The following RXFP2 variants were observed in gnomAD, a reference collection of about 807,000 sequenced individuals.
RXFP2 encodes the protein relaxin receptor 2.
Under a neutral mutation model 88.6 loss-of-function variants are expected in RXFP2, and 68 were observed. The ratio of observed to expected loss-of-function variants is 0.77; its 90% CI spans 0.63 to 0.94. The LOEUF (loss-of-function observed/expected upper bound fraction) is 0.94. RXFP2 is among the 40% of genes least tolerant of loss of function. The pLI, the probability that RXFP2 is intolerant of heterozygous loss-of-function variation, is 0.00. For synonymous variants in RXFP2, 329 were observed against 306.8 expected, an observed-to-expected ratio of 1.07 and a Z score of -0.76; for missense variants, 791 against 893.9, an observed-to-expected ratio of 0.88 and a Z score of 1.47.
intron 1 of RXFP2, among the ~76,000 whole-genome samples, chr13:31,749,845 G>C (rs539697989): frequency 6.6e-6 from 1 of 152,070 alleles, no homozygotes; most frequent in East Asian, 1.9e-4. Flanking sequence ...CAATATGTAT[G>C]CCATTAATTT....
intron 5 of RXFP2, among the ~76,000 whole-genome samples, chr13:31,773,686 G>A (rs1872815971): frequency 6.6e-6 from 1 of 152,126 alleles, no homozygotes; most frequent in African/African-American, 2.4e-5. Context: ...CAAAGGCTGG[G>A]GAGCTCTGCT....
intron 5 of RXFP2, among the ~76,000 whole-genome samples, chr13:31,772,919 C>A (rs1054154465): frequency 1.3e-5 from 2 of 152,216 alleles, no homozygotes; most frequent in Non-Finnish European, 2.9e-5. Context: ...GTAAAATATA[C>A]ATTCCATTTT....
intron 5 of RXFP2, among the ~76,000 whole-genome samples, chr13:31,771,892 G>T (rs1004551124): frequency 4.0e-5 from 6 of 151,884 alleles, no homozygotes; most frequent in African/African-American, 1.5e-4. Context: ...TGTCAAGAGG[G>T]TCTCCAGTCT....
chr13:31,795,016 T>A (rs1347185775), intron 16 of RXFP2, among the ~76,000 whole-genome samples: 1 of 152,204 alleles, frequency 6.6e-6, no homozygotes, highest in Non-Finnish European at 1.5e-5. Flanking sequence ...ACATAATTTT[T>A]AATTAATTTT....
In RXFP2 at chr13:31,802,318, T is replaced by G; in HGVS notation, c.2178T>G (p.Ile726Met). ...AAAAAAAAAGTTTATCTACATCCAT[T>G]GTGTGGATAGAGGACTCCTCTTCCC... ...KIKKKSLSTS[I>M]VWIEDSSSLK... Residue 726 changes from isoleucine (I) to methionine (M), a missense_variant, in exon 18 of 18, where the codon ATT (isoleucine) becomes ATG (methionine). By Grantham distance (10) the Ile-to-Met change is conservative. Coordinates refer to ENST00000298386, the MANE Select transcript of RXFP2 (RefSeq NM_130806.5). 1 of 1,610,726 alleles carries G rather than the reference T, an allele frequency of 6.2e-7. No individual in the cohort carries two copies. The highest frequency in any genetic ancestry group is 1.1e-5 in the South Asian group (1 of 91,002).
intron 5 of RXFP2, 29 bp downstream of exon 5, chr13:31,766,056 T>TG (rs1555282709): frequency 8.1e-6 from 8 of 987,988 alleles, no homozygotes; most frequent in African/African-American, 1.6e-5. Flanking sequence ...CATATTTATT[T>TG]AAAAAAAATC....
Position 31,758,248 on chromosome 13 carries a change from T to C in RXFP2, c.95-10T>C. The C allele has an allele frequency of 6.2e-7, 1 of 1,614,054 alleles. No homozygotes were observed. The highest frequency in any genetic ancestry group is 2.2e-5 in the East Asian group (1 of 44,888). Reference sequence around the variant, plus strand: ...GGTAACACTTTGTTTTTGCCCCTTCTTTCATGTAGATTTTGCACTGACTCA... The same window carrying C: ...GGTAACACTTTGTTTTTGCCCCTTCCTTCATGTAGATTTTGCACTGACTCA... On this transcript the variant is annotated splice_polypyrimidine_tract_variant and intron_variant, in intron 1 of 17. Transcript: ENST00000298386.
At chr13:31,764,615 A>T (rs1872465843) in intron 3 of RXFP2, among the ~76,000 whole-genome samples, 1 of 152,234 alleles carries the variant, frequency 6.6e-6, no homozygotes, top group Non-Finnish European at 1.5e-5. Flanking sequence ...GAAGGAAGAA[A>T]AAAAATGAAT....
intron 5 of RXFP2, among the ~76,000 whole-genome samples, chr13:31,774,313 A>G (rs1292995688): frequency 6.6e-6 from 1 of 152,224 alleles, no homozygotes; most frequent in Non-Finnish European, 1.5e-5. Context: ...AACTCCTGCC[A>G]GTCAGAACAG....
At chr13:31,752,472 G>A (rs528419409) in intron 1 of RXFP2, among the ~76,000 whole-genome samples, 3 of 152,158 alleles carry the variant, frequency 2.0e-5, no homozygotes, top group South Asian at 2.1e-4. Flanking sequence ...TGAATATAAC[G>A]ATTGATGTGG....
intron 8 of RXFP2, 142 bp from the exon 9 acceptor site, chr13:31,778,369 AG>A (rs1267103846): frequency 1.6e-6 from 1 of 635,626 alleles, no homozygotes; most frequent in East Asian, 2.8e-5. Context: ...CATGTTTTAA[AG>A]ACCATTTTGA....
chr13:31,756,042 G>T (rs10492609), intron 1 of RXFP2, among the ~76,000 whole-genome samples: 1 of 151,942 alleles, frequency 6.6e-6, no homozygotes, highest in Non-Finnish European at 1.5e-5. Flanking sequence ...GGGTCATCAG[G>T]ACTAAATGAC....
intron 1 of RXFP2, among the ~76,000 whole-genome samples, chr13:31,742,093 A>G (rs1871242787): frequency 6.6e-6 from 1 of 152,210 alleles, no homozygotes; most frequent in Admixed American, 6.5e-5. Flanking sequence ...TTAAACTTTT[A>G]AAAAACATTT....
rs1339160985 is a variant in RXFP2, at chr13:31,765,036, G to T, written c.320-1G>T. 1 of 1,550,358 alleles carries T rather than the reference G, an allele frequency of 6.5e-7. No homozygotes were observed. The highest frequency in any genetic ancestry group is 8.9e-7 in the Non-Finnish European group (1 of 1,122,442). ...AAATCTTACTCTTTTTGTCCCATTA[G>T]TTCTAAAACAGTATCCACAATGCTG... On this transcript the variant is annotated splice_acceptor_variant, in intron 3 of 17. Coordinates refer to ENST00000298386, the MANE Select transcript of RXFP2 (RefSeq NM_130806.5). LOFTEE classifies it high-confidence loss of function.
intron 17 of RXFP2, among the ~76,000 whole-genome samples, chr13:31,798,364 G>A (rs540778198): frequency 5.9e-5 from 9 of 152,306 alleles, no homozygotes; most frequent in South Asian, 4.1e-4. Context: ...TCCTCAGGCC[G>A]TGTAGGATAC....
At chr13:31,767,788 G>A (rs1872602154) in intron 5 of RXFP2, among the ~76,000 whole-genome samples, 1 of 152,140 alleles carries the variant, frequency 6.6e-6, no homozygotes, top group Non-Finnish European at 1.5e-5. Context: ...CCTTAAGAGG[G>A]AAAGAAATAG....
chr13:31,802,125 A>G (rs368703209), intron 17 of RXFP2, 21 bp from the exon 18 acceptor site: 1 of 1,612,338 alleles, frequency 6.2e-7, no homozygotes, highest in African/African-American at 1.3e-5. Flanking sequence ...CTTTTTTTTC[A>G]CACTTTGCTT....
At chr13:31,790,809 A>C (rs1439740593) in intron 14 of RXFP2, among the ~76,000 whole-genome samples, 1 of 150,708 alleles carries the variant, frequency 6.6e-6, no homozygotes, top group African/African-American at 2.4e-5. Context: ...GGAGGGAGAA[A>C]GCAGCCCTGG....
intron 1 of RXFP2, among the ~76,000 whole-genome samples, chr13:31,743,449 C>G (rs1871289479): frequency 6.7e-6 from 1 of 149,976 alleles, no homozygotes; most frequent in Non-Finnish European, 1.5e-5. Context: ...GCCTGGGCGA[C>G]AGAGCGAGAC....
Sources: allele counts gnomAD v4.1 joint callset (sites outside exome capture counted in the v4.1 genomes callset), GRCh38; gene constraint gnomAD v4.1.1; transcripts MANE v1.5; gene names NCBI Gene and HGNC (gene_info 2026-07-23, HGNC 2026-07-21).